The following ABTB2 variants were observed in gnomAD, a reference collection of about 807,000 sequenced individuals.
ABTB2 encodes the protein ankyrin repeat and BTB/POZ domain-containing protein 2.
Under a neutral mutation model 104.1 loss-of-function variants are expected in ABTB2, and 56 were observed. The observed-to-expected ratio is 0.54, with a 90% CI of 0.43 to 0.67. The LOEUF (loss-of-function observed/expected upper bound fraction) is 0.67, where lower values mean the gene tolerates loss of function less well. ABTB2 is among the 30% of genes least tolerant of loss of function. The pLI, the probability that ABTB2 is intolerant of heterozygous loss-of-function variation, is 0.00. For missense variants in ABTB2, 1,279 were observed against 1,407.7 expected, an observed-to-expected ratio of 0.91 and a Z score of 1.46; for synonymous variants, 606 against 608.2, an observed-to-expected ratio of 1.00 and a Z score of 0.05.
intron 1 of ABTB2, among the ~76,000 whole-genome samples, chr11:34,206,894 C>T (rs545460693): frequency 7.2e-5 from 11 of 152,326 alleles, no homozygotes; most frequent in Admixed American, 2.0e-4. Context: ...TGGATGGCAG[C>T]GACCCCTCTC....
chr11:34,309,404 T>G (rs1854822625), intron 1 of ABTB2, among the ~76,000 whole-genome samples: 1 of 152,206 alleles, frequency 6.6e-6, no homozygotes, highest in African/African-American at 2.4e-5. Flanking sequence ...GGACTCCTAT[T>G]GCAAAATGTG....
chr11:34,357,270 G>C lies in ABTB2; in HGVS notation c.314C>G (p.Ala105Gly). ...GCCAGCGCCTTTGCGGAGCACCCGGGCCACGTCTCCTTCGGTCCAGGGGAA... is the reference window on the plus strand; with the variant it reads ...GCCAGCGCCTTTGCGGAGCACCCGGCCCACGTCTCCTTCGGTCCAGGGGAA... ...EEFPWTEGDV[A>G]RVLRKGAGGR... The change falls in exon 1 of 17, where the codon GCC becomes GGC. Residue 105 changes from alanine to glycine, a missense_variant. Physicochemically the swap from Ala to Gly is moderately conservative, Grantham distance 60. Transcript: ENST00000435224. The C allele has an allele frequency of 6.7e-7, 1 of 1,498,430 alleles. No individual in the cohort carries two copies. The highest frequency in any genetic ancestry group is 8.9e-7 in the Non-Finnish European group (1 of 1,126,842). The allele number at this position is 1,498,430 out of a possible 1,614,324, so 92.8% of individuals were successfully genotyped here. A position where few individuals can be genotyped will look rare whatever the true frequency, so the allele number is the denominator to read the frequency against.
chr11:34,187,495 T>C (rs1001433204), intron 3 of ABTB2, among the ~76,000 whole-genome samples: 1 of 105,620 alleles, frequency 9.5e-6, no homozygotes, highest in Non-Finnish European at 1.9e-5. Context: ...CTTATCTTCT[T>C]TGCCTTTTTT....
At chr11:34,266,830 GT>G (rs1365227839) in intron 1 of ABTB2, among the ~76,000 whole-genome samples, 1 of 150,136 alleles carries the variant, frequency 6.7e-6, no homozygotes, top group East Asian at 2.0e-4. Context: ...GTTTGATGAA[GT>G]TTAGGTTTTC....
chr11:34,208,700 C>T (rs566434728), intron 1 of ABTB2, among the ~76,000 whole-genome samples: 2 of 152,182 alleles, frequency 1.3e-5, no homozygotes, highest in East Asian at 3.9e-4. Context: ...CCTCTTCCAC[C>T]AGCCCCTCTG....
chr11:34,258,176 T>C (rs1342329862), intron 1 of ABTB2, among the ~76,000 whole-genome samples: 1 of 152,214 alleles, frequency 6.6e-6, no homozygotes, highest in Non-Finnish European at 1.5e-5. Context: ...GGGCATACTT[T>C]ATGGATTGTG....
intron 9 of ABTB2, 151 bp downstream of exon 9, chr11:34,164,535 C>T: frequency 1.0e-6 from 1 of 960,894 alleles, no homozygotes. Context: ...GGCTAAACTC[C>T]CCCATGTTTC....
At chr11:34,234,658 T>C (rs1297826195) in intron 1 of ABTB2, among the ~76,000 whole-genome samples, 4 of 152,112 alleles carry the variant, frequency 2.6e-5, no homozygotes, top group Admixed American at 1.3e-4. Context: ...CTTTTCCTTA[T>C]GAAAAGGCAG....
At chr11:34,231,416 C>G (rs1853767784) in intron 1 of ABTB2, among the ~76,000 whole-genome samples, 1 of 152,168 alleles carries the variant, frequency 6.6e-6, no homozygotes, top group Non-Finnish European at 1.5e-5. Flanking sequence ...GGAATGCACA[C>G]AGTGACTTCA....
intron 1 of ABTB2, among the ~76,000 whole-genome samples, chr11:34,247,490 C>A (rs944292051): frequency 7.2e-5 from 11 of 152,210 alleles, no homozygotes; most frequent in Admixed American, 2.0e-4. Flanking sequence ...CAATTGTAGG[C>A]TAATGTAAGT....
chr11:34,162,423 C>T (rs1219006265), intron 10 of ABTB2, among the ~76,000 whole-genome samples, 153 bp downstream of exon 10: 1 of 152,190 alleles, frequency 6.6e-6, no homozygotes, highest in Non-Finnish European at 1.5e-5. Context: ...GCAGGGGGGT[C>T]CCAGCCTCCA....
intron 1 of ABTB2, among the ~76,000 whole-genome samples, chr11:34,316,359 G>C (rs1338899806): frequency 1.3e-5 from 2 of 152,190 alleles, no homozygotes; most frequent in Non-Finnish European, 2.9e-5. Flanking sequence ...ACTCCTCACA[G>C]TAGGTTAGCA....
intron 1 of ABTB2, among the ~76,000 whole-genome samples, chr11:34,265,508 A>G (rs1258742438): frequency 1.3e-5 from 2 of 151,872 alleles, no homozygotes; most frequent in Non-Finnish European, 1.5e-5. Context: ...TAAAAATACA[A>G]AATTAGCCAG....
chr11:34,230,455 A>T (rs1853754072), intron 1 of ABTB2, among the ~76,000 whole-genome samples: 1 of 152,116 alleles, frequency 6.6e-6, no homozygotes, highest in Non-Finnish European at 1.5e-5. Context: ...GGGAGCCCTG[A>T]GGGTTGAGTG....
chr11:34,277,605 G>GA (rs11431903), intron 1 of ABTB2, among the ~76,000 whole-genome samples: 149,211 of 149,222 alleles, frequency 1, 74,600 homozygotes, highest in Middle Eastern at 1. Flanking sequence ...CCAATATGGT[G>GA]AACCCCATCT....
At position 34,221,010 on chromosome 11, in the gene ABTB2, T is replaced by C. The variant is rs142323328; in HGVS notation, c.884-16320A>G. Among the ~76,000 whole-genome samples the C allele has an allele frequency of 6.1e-3, 934 of 151,950 alleles. 12 individuals are homozygous for C. Among genetic ancestry groups the C allele is most frequent in the African/African-American group, 0.021 (860 of 41,420 alleles). On this transcript the variant is annotated intron_variant, in intron 1 of 16. Transcript: ENST00000435224. Reference sequence around the variant, plus strand: ...TTTGAGAAGGAGTCTGACTCTGTCATGCAGGCTGGAGTGGACTGGTGCGAT... The same window carrying C: ...TTTGAGAAGGAGTCTGACTCTGTCACGCAGGCTGGAGTGGACTGGTGCGAT...
intron 1 of ABTB2, among the ~76,000 whole-genome samples, chr11:34,286,266 T>G (rs1854503641): frequency 6.6e-6 from 1 of 151,898 alleles, no homozygotes; most frequent in African/African-American, 2.4e-5. Flanking sequence ...AAGACGAGCC[T>G]GGGCATCACG....
At chr11:34,194,890 C>T (rs1285979305) in intron 3 of ABTB2, among the ~76,000 whole-genome samples, 2 of 151,726 alleles carry the variant, frequency 1.3e-5, no homozygotes, top group African/African-American at 2.4e-5. Flanking sequence ...ACAGATAGTG[C>T]GGTTTTTAAA....
chr11:34,158,807 C>T (rs1852667908), intron 14 of ABTB2, among the ~76,000 whole-genome samples: 1 of 152,222 alleles, frequency 6.6e-6, no homozygotes, highest in Non-Finnish European at 1.5e-5. Context: ...ACGTGTTTGA[C>T]CAATGTGGCC....
Sources: allele counts gnomAD v4.1 joint callset (sites outside exome capture counted in the v4.1 genomes callset), GRCh38; gene constraint gnomAD v4.1.1; transcripts MANE v1.5; gene names NCBI Gene and HGNC (gene_info 2026-07-23, HGNC 2026-07-21).